Variants in ERICH1 observed in about 807,000 individuals in gnomAD.
ERICH1 encodes glutamate rich 1.
Under a neutral mutation model 39.6 loss-of-function variants are expected in ERICH1, and 56 were observed. The ratio of observed to expected loss-of-function variants is 1.41; its 90% confidence interval spans 1.14 to 1.77. The LOEUF (loss-of-function observed/expected upper bound fraction) is 1.77. Among genes scored for constraint, ERICH1 ranks in the 40% most tolerant of loss-of-function variants. The pLI, the probability that ERICH1 is intolerant of heterozygous loss-of-function variation, is 0.00. For missense variants in ERICH1, 826 were observed against 575.4 expected (o/e 1.44, Z -4.45); for synonymous variants, 313 against 223.6 (o/e 1.40, Z -3.57).
In ERICH1 at chr8:702,355, C is replaced by T. The variant is rs1277596674; in HGVS notation, c.170-9743G>A. On this transcript the variant is annotated intron_variant, in intron 2 of 5. Transcript: ENST00000262109. ...CAAGAACGCCGGCGAGTCAAGTGAGCACACAGCGGCACAGCTCCTTTAAAG... is the reference window on the plus strand; with the variant it reads ...CAAGAACGCCGGCGAGTCAAGTGAGTACACAGCGGCACAGCTCCTTTAAAG... Among the ~76,000 whole-genome samples the T allele has an allele frequency of 2.6e-5, 4 of 152,162 alleles. No homozygotes were observed. In the East Asian group the frequency reaches 5.8e-4, roughly 22 times the overall value.
intron 3 of ERICH1, among the ~76,000 whole-genome samples, chr8:621,385 G>A (rs1292547723): frequency 6.6e-6 from 1 of 152,048 alleles, no homozygotes; most frequent in Non-Finnish European, 1.5e-5. Flanking sequence ...AAAGATAAGT[G>A]TGTGATGTGA....
At chr8:691,399 T>C (rs1808877412) in intron 3 of ERICH1, among the ~76,000 whole-genome samples, 1 of 152,250 alleles carries the variant, frequency 6.6e-6, no homozygotes, top group African/African-American at 2.4e-5. Flanking sequence ...GCGAGCCTTC[T>C]ACCCTGGGGT....
At chr8:635,340 G>C (rs1255290552) in intron 3 of ERICH1, among the ~76,000 whole-genome samples, 3 of 152,192 alleles carry the variant, frequency 2.0e-5, no homozygotes, top group African/African-American at 7.2e-5. Context: ...GGGTATAACG[G>C]ATAAACGCCA....
intron 3 of ERICH1, among the ~76,000 whole-genome samples, chr8:624,194 C>CACAA (rs1797458083): frequency 6.6e-6 from 1 of 152,146 alleles, no homozygotes; most frequent in East Asian, 1.9e-4. Context: ...CACAATGAGA[C>CACAA]ATCAGCTCAA....
At chr8:622,470 G>A (rs1490052105) in intron 3 of ERICH1, among the ~76,000 whole-genome samples, 1 of 152,136 alleles carries the variant, frequency 6.6e-6, no homozygotes, top group Non-Finnish European at 1.5e-5. Context: ...TATCTATGAA[G>A]CAGAGAACGA....
downstream of ERICH1, among the ~76,000 whole-genome samples, chr8:661,600 G>A (rs566074114): frequency 5.8e-4 from 89 of 152,294 alleles, no homozygotes; most frequent in Admixed American, 9.8e-4. Flanking sequence ...TATTGTAGAA[G>A]ATAAATTGAT....
chr8:717,377 G>T (rs1396440972), intron 1 of ERICH1, among the ~76,000 whole-genome samples: 1 of 152,190 alleles, frequency 6.6e-6, no homozygotes, highest in Non-Finnish European at 1.5e-5. Context: ...CTTGCCTCAA[G>T]CATACCTGCC....
intron 3 of ERICH1, among the ~76,000 whole-genome samples, chr8:621,140 T>A (rs900534085): frequency 1.3e-5 from 2 of 151,966 alleles, no homozygotes; most frequent in Non-Finnish European, 2.9e-5. Context: ...CACAAATATG[T>A]GAAAATTAAA....
intron 3 of ERICH1, among the ~76,000 whole-genome samples, chr8:683,500 G>T (rs762662999): frequency 9.8e-5 from 15 of 152,292 alleles, no homozygotes; most frequent in Admixed American, 2.0e-4. Context: ...TAAAAAAATG[G>T]ATTCTCGCTC....
Position 635,311 on chromosome 8 carries a change from C to T in ERICH1, c.977-20027G>A, listed in dbSNP as rs372498093. 5.3e-5 allele frequency among the ~76,000 whole-genome samples: 8 copies of T among 152,288 alleles called. No individual in the cohort carries two copies. The East Asian group carries it at 9.7e-4, about 18-fold the overall frequency. ...CAGGCGTCTAAGTCTGTGATGGAGC[C>T]CCCCACACGGGTTTATCCGGGTATA... On this transcript the variant is annotated intron_variant, in intron 3 of 3. Transcript: ENST00000522706.
intron 3 of ERICH1, among the ~76,000 whole-genome samples, chr8:649,531 G>T (rs560124816): frequency 1.3e-5 from 2 of 152,076 alleles, no homozygotes; most frequent in African/African-American, 2.4e-5. Flanking sequence ...GCCCCGGGGG[G>T]AAGATCCACA....
intron 1 of ERICH1, among the ~76,000 whole-genome samples, chr8:719,166 C>A (rs1359535168): frequency 6.6e-6 from 1 of 152,134 alleles, no homozygotes; most frequent in African/African-American, 2.4e-5. Context: ...CCTGGCGAGG[C>A]TCAGGGAGGC....
intron 3 of ERICH1, among the ~76,000 whole-genome samples, chr8:636,916 G>A (rs572185368): frequency 6.6e-6 from 1 of 152,142 alleles, no homozygotes; most frequent in Non-Finnish European, 1.5e-5. Context: ...GGGTCGGAGG[G>A]TTGGTTCAGG....
chr8:686,014 G>T (rs1807266559), intron 3 of ERICH1, among the ~76,000 whole-genome samples: 1 of 142,730 alleles, frequency 7.0e-6, no homozygotes, highest in Non-Finnish European at 1.5e-5. Flanking sequence ...AAAAAAAATA[G>T]CTTGGTGTAG....
At chr8:624,399 A>C (rs1366733858) in intron 3 of ERICH1, among the ~76,000 whole-genome samples, 2 of 152,262 alleles carry the variant, frequency 1.3e-5, no homozygotes, top group Non-Finnish European at 2.9e-5. Context: ...ACGAACCTGC[A>C]GTTCTACTCC....
intron 1 of ERICH1, among the ~76,000 whole-genome samples, chr8:717,615 C>T (rs2132364820): frequency 6.6e-6 from 1 of 152,376 alleles, no homozygotes; most frequent in South Asian, 2.1e-4. Flanking sequence ...CTTTATCCAA[C>T]ATCTTCATAA....
At chr8:702,394 C>G (rs925897577) in intron 2 of ERICH1, among the ~76,000 whole-genome samples, 100 of 152,296 alleles carry the variant, frequency 6.6e-4, no homozygotes, top group African/African-American at 2.4e-3. Flanking sequence ...CGCTGGGAAT[C>G]TGTCCCTACG....
At chr8:675,100 CA>C (rs1339455144) in intron 3 of ERICH1, among the ~76,000 whole-genome samples, 6 of 151,884 alleles carry the variant, frequency 4.0e-5, no homozygotes, top group Middle Eastern at 3.4e-3. Context: ...CTCAACACCT[CA>C]GTGAGGACAG....
chr8:694,501 C>G (rs772455926), intron 2 of ERICH1, among the ~76,000 whole-genome samples: 2 of 152,164 alleles, frequency 1.3e-5, no homozygotes, highest in Admixed American at 6.5e-5. Context: ...GCAGAGCAAA[C>G]AAGGATGCAG....
Sources: gnomAD v4.1 joint callset for allele counts (sites outside exome capture counted in the v4.1 genomes callset) on GRCh38, gnomAD v4.1.1 for gene constraint, MANE v1.5 for transcripts, NCBI Gene and HGNC (gene_info 2026-07-23, HGNC 2026-07-21) for gene names.